Variants in FHIT observed in about 807,000 individuals in gnomAD.
The protein encoded by FHIT is fragile histidine triad diadenosine triphosphatase.
FHIT carries 19 observed loss-of-function variants against 17.9 expected under a neutral mutation model. That is an observed-to-expected ratio of 1.06 (90% CI 0.74 to 1.56). The LOEUF is 1.56. Among genes scored for constraint, FHIT ranks in the 40% most tolerant of loss-of-function variants. FHIT has a pLI of 0.00. For synonymous variants in FHIT, 81 were observed against 69.7 expected (o/e 1.16, Z -0.81); for missense variants, 248 against 189.2 (o/e 1.31, Z -1.82).
intron 7 of FHIT, among the ~76,000 whole-genome samples, chr3:59,975,271 G>T (rs58197240): frequency 6.6e-6 from 1 of 152,054 alleles, no homozygotes; most frequent in Non-Finnish European, 1.5e-5. Context: ...GGGCCTCAGA[G>T]TGAGATAACC....
At chr3:60,124,470 A>C (rs1705449029) in intron 5 of FHIT, among the ~76,000 whole-genome samples, 3 of 152,158 alleles carry the variant, frequency 2.0e-5, no homozygotes, top group African/African-American at 7.2e-5. Context: ...AACACAGCCC[A>C]TGCTCATCTG....
chr3:60,914,910 T>C (rs1453664235), intron 3 of FHIT, among the ~76,000 whole-genome samples: 2 of 152,212 alleles, frequency 1.3e-5, no homozygotes, highest in African/African-American at 4.8e-5. Flanking sequence ...TTAAGTAGCC[T>C]TGTAAATTTC....
chr3:60,502,635 G>A (rs1215427184), intron 5 of FHIT, among the ~76,000 whole-genome samples: 1 of 152,028 alleles, frequency 6.6e-6, no homozygotes, highest in Non-Finnish European at 1.5e-5. Flanking sequence ...TTTATTTATT[G>A]CCTACCATGT....
chr3:59,878,246 G>A (rs1703251351), intron 8 of FHIT, among the ~76,000 whole-genome samples: 1 of 152,106 alleles, frequency 6.6e-6, no homozygotes, highest in Non-Finnish European at 1.5e-5. Flanking sequence ...ATGGTTACCT[G>A]ACAGAAGCAT....
At chr3:61,118,680 G>C (rs2036370495) in intron 2 of FHIT, among the ~76,000 whole-genome samples, 1 of 152,132 alleles carries the variant, frequency 6.6e-6, no homozygotes, top group South Asian at 2.1e-4. Context: ...AACTTAGATT[G>C]TCAGTGTGTC....
At chr3:60,683,652 G>A (rs1303617621) in intron 4 of FHIT, among the ~76,000 whole-genome samples, 1 of 152,070 alleles carries the variant, frequency 6.6e-6, no homozygotes, top group African/African-American at 2.4e-5. Flanking sequence ...TTATTGTGAT[G>A]GTCTGGAAGT....
intron 2 of FHIT, among the ~76,000 whole-genome samples, chr3:61,105,825 G>C (rs922785483): frequency 1.3e-5 from 2 of 152,182 alleles, no homozygotes; most frequent in Non-Finnish European, 2.9e-5. Flanking sequence ...GAGAATTGCA[G>C]AATAAACAAA....
chr3:60,375,981 T>C (rs1301541134), intron 5 of FHIT, among the ~76,000 whole-genome samples: 1 of 152,228 alleles, frequency 6.6e-6, no homozygotes, highest in African/African-American at 2.4e-5. Flanking sequence ...TTTAATTAAT[T>C]CAAATTTAAA....
At chr3:60,049,183 T>A (rs1457235182) in intron 5 of FHIT, among the ~76,000 whole-genome samples, 1 of 152,240 alleles carries the variant, frequency 6.6e-6, no homozygotes, top group African/African-American at 2.4e-5. Context: ...ATGCTCAACT[T>A]ATTTAAATGA....
intron 5 of FHIT, among the ~76,000 whole-genome samples, chr3:60,226,367 G>A (rs577219968): frequency 1.3e-5 from 2 of 151,610 alleles, no homozygotes; most frequent in Non-Finnish European, 2.9e-5. Context: ...AGCTATTCGG[G>A]AGGCTGAGGC....
At chr3:60,365,205 G>A (rs1700058791) in intron 5 of FHIT, among the ~76,000 whole-genome samples, 1 of 150,072 alleles carries the variant, frequency 6.7e-6, no homozygotes, top group South Asian at 2.1e-4. Context: ...CTAAAATTGG[G>A]ATCTTTCTGG....
At chr3:61,089,840 C>T (rs2035425480) in intron 2 of FHIT, among the ~76,000 whole-genome samples, 1 of 152,128 alleles carries the variant, frequency 6.6e-6, no homozygotes. Flanking sequence ...ACAGTGTTAT[C>T]CAAAGACAGA....
At position 60,011,551 on chromosome 3, in the gene FHIT, G is replaced by A. The variant is rs1018810621; in HGVS notation, c.250-151C>T. ...GGGACCATTGGCTTCAAATGTGCGGGATTAGACAGTTCTCCATTTCCGCCT... is the reference window on the plus strand; with the variant it reads ...GGGACCATTGGCTTCAAATGTGCGGAATTAGACAGTTCTCCATTTCCGCCT... On this transcript the variant is annotated intron_variant, in intron 6 of 9. Transcript: ENST00000492590. 1.6e-5 allele frequency: 11 copies of A among 680,298 alleles called. No individual in the cohort carries two copies. In the Admixed American group the frequency reaches 2.9e-4, roughly 18 times the overall value. The allele number at this position is 680,298 out of a possible 1,614,324, so 42.1% of individuals were successfully genotyped here.
intron 5 of FHIT, among the ~76,000 whole-genome samples, chr3:60,351,468 G>C: frequency 6.6e-6 from 1 of 152,114 alleles, no homozygotes; most frequent in East Asian, 1.9e-4. Context: ...TTATAATTTT[G>C]TCTAATGATA....
At chr3:61,138,770 C>T (rs1314955093) in intron 2 of FHIT, among the ~76,000 whole-genome samples, 1 of 152,190 alleles carries the variant, frequency 6.6e-6, no homozygotes, top group Non-Finnish European at 1.5e-5. Context: ...CCCACTAAAT[C>T]CATTGTCACA....
chr3:60,025,734 GA>G (rs71627518), intron 5 of FHIT, among the ~76,000 whole-genome samples: 9,133 of 119,562 alleles, frequency 0.076, 675 homozygotes, highest in African/African-American at 0.2. Context: ...AATTCTACCA[GA>G]AAAAAAAAAA....
At chr3:61,024,746 T>C (rs577180925) in intron 3 of FHIT, among the ~76,000 whole-genome samples, 1 of 152,298 alleles carries the variant, frequency 6.6e-6, no homozygotes, top group South Asian at 2.1e-4. Context: ...TTAAAGTTTA[T>C]CTTCAAAATG....
intron 8 of FHIT, among the ~76,000 whole-genome samples, chr3:59,894,755 C>A (rs1442322645): frequency 2.0e-5 from 3 of 152,176 alleles, no homozygotes; most frequent in Non-Finnish European, 4.4e-5. Flanking sequence ...TGACTTAAAA[C>A]AATCACTTGG....
intron 5 of FHIT, among the ~76,000 whole-genome samples, chr3:60,173,915 A>ATATATATTTTTTTTT: frequency 7.5e-5 from 5 of 66,438 alleles, no homozygotes; most frequent in Non-Finnish European, 1.4e-4. Flanking sequence ...ATATATATAT[A>ATATATATTTTTTTTT]TGTTTTTTTT....
Sources: gnomAD v4.1 joint callset for allele counts (sites outside exome capture counted in the v4.1 genomes callset) on GRCh38, gnomAD v4.1.1 for gene constraint, MANE v1.5 for transcripts, NCBI Gene and HGNC (gene_info 2026-07-23, HGNC 2026-07-21) for gene names.